The following OPCML variants were observed in gnomAD, a reference collection of about 807,000 sequenced individuals.
OPCML encodes the protein opioid-binding protein/cell adhesion molecule.
OPCML carries 13 observed loss-of-function variants against 37.8 expected under a neutral mutation model. The ratio of observed to expected loss-of-function variants is 0.34; its 90% confidence interval spans 0.22 to 0.55. OPCML has a LOEUF of 0.55. OPCML is among the 20% of genes least tolerant of loss of function. The pLI, the probability that OPCML is intolerant of heterozygous loss-of-function variation, is 0.91. For missense variants in OPCML, 341 were observed against 435.6 expected (o/e 0.78, Z 1.93); for synonymous variants, 176 against 168.8 (o/e 1.04, Z -0.33).
At chr11:132,421,083 T>C (rs113209498) in intron 7 of OPCML, among the ~76,000 whole-genome samples, 1,622 of 152,118 alleles carry the variant, frequency 0.011, 25 homozygotes, top group African/African-American at 0.036. Context: ...GCTGTTCTTT[T>C]CCCCTCACCT....
rs148916100 is a variant in OPCML, at chr11:132,477,537, C to T, written c.506-40178G>A. ...TGGAAGCAACTGTCATTCTGGAAAG[C>T]TTGGAACAGTCAAGATATGGCTAAG... On this transcript the variant is annotated intron_variant, in intron 4 of 7. Coordinates refer to ENST00000524381, the MANE Select transcript of OPCML (RefSeq NM_001012393.5). Among the ~76,000 whole-genome samples the T allele has an allele frequency of 4.3e-3, 657 of 152,302 alleles. 4 individuals carry two copies. Among genetic ancestry groups the T allele is most frequent in the Non-Finnish European group, 8.2e-3 (558 of 68,036 alleles).
At chr11:132,430,626 C>A (rs1307146056) in intron 7 of OPCML, among the ~76,000 whole-genome samples, 1 of 152,100 alleles carries the variant, frequency 6.6e-6, no homozygotes, top group Non-Finnish European at 1.5e-5. Flanking sequence ...TTTCCTTTTT[C>A]ACTTGCGATG....
intron 1 of OPCML, among the ~76,000 whole-genome samples, chr11:133,144,930 A>G (rs560416229): frequency 6.6e-6 from 1 of 152,374 alleles, no homozygotes; most frequent in Admixed American, 6.5e-5. Flanking sequence ...GCAGCGAATT[A>G]ATTCAAGTTT....
chr11:133,411,307 T>A (rs1054082843), intron 1 of OPCML, among the ~76,000 whole-genome samples: 7 of 152,206 alleles, frequency 4.6e-5, no homozygotes, highest in African/African-American at 1.4e-4. Flanking sequence ...TAAGTGGATG[T>A]CACACTTTTT....
chr11:132,730,899 C>A (rs182230559), intron 2 of OPCML, among the ~76,000 whole-genome samples: 2 of 152,196 alleles, frequency 1.3e-5, no homozygotes, highest in South Asian at 2.1e-4. Context: ...ACTGAACATG[C>A]GAAGAAAGGA....
chr11:132,905,903 T>C (rs1370459718), intron 2 of OPCML, among the ~76,000 whole-genome samples: 1 of 152,190 alleles, frequency 6.6e-6, no homozygotes, highest in Non-Finnish European at 1.5e-5. Flanking sequence ...CAATGTTCAA[T>C]AAATGGGAAC....
At chr11:133,381,687 T>C (rs1348150306) in intron 1 of OPCML, among the ~76,000 whole-genome samples, 1 of 152,150 alleles carries the variant, frequency 6.6e-6, no homozygotes, top group Non-Finnish European at 1.5e-5. Context: ...GAGACCTCAG[T>C]GAGCGTAACG....
intron 3 of OPCML, among the ~76,000 whole-genome samples, chr11:132,564,494 C>G (rs2096417855): frequency 6.6e-6 from 1 of 152,174 alleles, no homozygotes; most frequent in Non-Finnish European, 1.5e-5. Context: ...GCAAGAAGGG[C>G]TCAGTAAATA....
At chr11:133,385,863 G>A (rs1945035717) in intron 1 of OPCML, among the ~76,000 whole-genome samples, 1 of 151,892 alleles carries the variant, frequency 6.6e-6, no homozygotes, top group Non-Finnish European at 1.5e-5. Flanking sequence ...TGGAGTAACA[G>A]CAAGTTGGCT....
intron 3 of OPCML, among the ~76,000 whole-genome samples, chr11:132,558,836 A>AT (rs1262205780): frequency 6.6e-6 from 1 of 151,872 alleles, no homozygotes; most frequent in Non-Finnish European, 1.5e-5. Context: ...TGACCGTTCA[A>AT]TTTTTTCAGC....
intron 1 of OPCML, among the ~76,000 whole-genome samples, chr11:133,151,453 AT>A (rs201317210): frequency 2.7e-5 from 4 of 150,698 alleles, no homozygotes; most frequent in East Asian, 2.0e-4. Context: ...AAGAGAATGT[AT>A]TTTTTTTTCA....
intron 4 of OPCML, among the ~76,000 whole-genome samples, chr11:132,481,526 C>A (rs1300535420): frequency 2.0e-5 from 3 of 150,310 alleles, no homozygotes; most frequent in Middle Eastern, 3.4e-3. Flanking sequence ...AGAAAGTCAA[C>A]AAGGATACCC....
At chr11:132,922,125 G>T (rs2659626) in intron 2 of OPCML, among the ~76,000 whole-genome samples, 2 of 151,922 alleles carry the variant, frequency 1.3e-5, no homozygotes, top group African/African-American at 4.8e-5. Context: ...TGATCCACCC[G>T]CCTCGGCCTC....
intron 2 of OPCML, among the ~76,000 whole-genome samples, chr11:132,796,895 T>G (rs529397675): frequency 6.6e-6 from 1 of 152,344 alleles, no homozygotes; most frequent in Admixed American, 6.5e-5. Flanking sequence ...CAGGTGTTTA[T>G]TAGTCATTTG....
chr11:132,949,200 C>T (rs1055788924), intron 1 of OPCML, among the ~76,000 whole-genome samples: 5 of 151,954 alleles, frequency 3.3e-5, no homozygotes, highest in Non-Finnish European at 7.4e-5. Flanking sequence ...AAACGTAAGG[C>T]GACCCACCTG....
chr11:132,548,354 T>C (rs767276359), intron 3 of OPCML, among the ~76,000 whole-genome samples: 7 of 152,182 alleles, frequency 4.6e-5, no homozygotes, highest in Non-Finnish European at 7.3e-5. Context: ...ATGTTCTCCC[T>C]GGCACCTGCC....
intron 1 of OPCML, among the ~76,000 whole-genome samples, chr11:133,201,149 G>A (rs760096966): frequency 1.1e-4 from 16 of 151,974 alleles, no homozygotes; most frequent in Non-Finnish European, 2.2e-4. Context: ...GGTGGAAGGA[G>A]GGTAAAGACT....
At chr11:132,700,089 A>T (rs1943748817) in intron 2 of OPCML, among the ~76,000 whole-genome samples, 1 of 151,860 alleles carries the variant, frequency 6.6e-6, no homozygotes, top group African/African-American at 2.4e-5. Context: ...TATTCAGTTC[A>T]TTGGTGTATA....
intron 1 of OPCML, among the ~76,000 whole-genome samples, chr11:133,290,062 A>G (rs1942434135): frequency 6.6e-6 from 1 of 152,162 alleles, no homozygotes; most frequent in African/African-American, 2.4e-5. Context: ...CCACTAAGAA[A>G]ATCTTCTCAA....
Sources: gnomAD v4.1 joint callset for allele counts (sites outside exome capture counted in the v4.1 genomes callset) on GRCh38, gnomAD v4.1.1 for gene constraint, MANE v1.5 for transcripts, NCBI Gene and HGNC (gene_info 2026-07-23, HGNC 2026-07-21) for gene names.